KIF13B: variants seen among roughly 807,000 people sequenced by gnomAD.
The protein encoded by KIF13B is kinesin family member 13B.
Under a neutral mutation model 222.0 loss-of-function variants are expected in KIF13B, and 127 were observed. That is an observed-to-expected ratio of 0.57 (90% CI 0.50 to 0.66). The LOEUF (loss-of-function observed/expected upper bound fraction) is 0.66. Ranked by LOEUF, KIF13B falls within the 30% of genes least tolerant of loss-of-function variation. The pLI is 0.00. For synonymous variants in KIF13B, 976 were observed against 919.0 expected (o/e 1.06, Z -1.12); for missense variants, 2,173 against 2,379.0 (o/e 0.91, Z 1.80).
chr8:29,126,125 C>G (rs751717808), intron 26 of KIF13B, among the ~76,000 whole-genome samples: 1 of 150,994 alleles, frequency 6.6e-6, no homozygotes, highest in Non-Finnish European at 1.5e-5. Context: ...ATGCAAAACA[C>G]CTAGTGTTGA....
Position 29,203,592 on chromosome 8 carries a change from G to A in KIF13B, c.150-7393C>T, listed in dbSNP as rs563825979. ...GGAGATATTTACAACTGAAACACAC[G>A]ACATTAAGACAGAAAATGCGCCAGG... is the stretch of plus-strand genomic sequence containing the variant. On this transcript the variant is annotated intron_variant, in intron 2 of 39. Transcript: ENST00000524189. Among the ~76,000 whole-genome samples the A allele has an allele frequency of 5.9e-5, 9 of 152,136 alleles. No individual in the cohort carries two copies. In the East Asian group the frequency reaches 1.4e-3, roughly 23 times the overall value.
At chr8:29,136,305 G>A (rs1307672299) in intron 21 of KIF13B, among the ~76,000 whole-genome samples, 2 of 152,168 alleles carry the variant, frequency 1.3e-5, no homozygotes, top group East Asian at 1.9e-4. Flanking sequence ...TCGGCCAGGC[G>A]TGGTGGCTCA....
chr8:29,230,907 C>T (rs1014711641), intron 2 of KIF13B, among the ~76,000 whole-genome samples: 2 of 152,168 alleles, frequency 1.3e-5, no homozygotes, highest in African/African-American at 4.8e-5. Flanking sequence ...GACAGGGTCT[C>T]ACATTGTCAC....
At chr8:29,132,761 G>A (rs1022951235) in intron 22 of KIF13B, among the ~76,000 whole-genome samples, 1 of 152,166 alleles carries the variant, frequency 6.6e-6, no homozygotes, top group Non-Finnish European at 1.5e-5. Context: ...CTATTTTTAA[G>A]AGCATAATTG....
chr8:29,208,225 CAT>C (rs1273397634), intron 2 of KIF13B, among the ~76,000 whole-genome samples: 2 of 152,178 alleles, frequency 1.3e-5, no homozygotes, highest in African/African-American at 4.8e-5. Context: ...ATCAGTATCA[CAT>C]ATTGACTCAC....
chr8:29,088,901 C>T (rs1173971153), intron 37 of KIF13B, among the ~76,000 whole-genome samples: 2 of 152,228 alleles, frequency 1.3e-5, no homozygotes, highest in Admixed American at 1.3e-4. Flanking sequence ...TCTCACAGAG[C>T]TTTAGTAGAG....
chr8:29,229,682 T>C (rs772185163), intron 2 of KIF13B, among the ~76,000 whole-genome samples: 68 of 152,230 alleles, frequency 4.5e-4, no homozygotes, highest in Non-Finnish European at 8.2e-4. Flanking sequence ...ATGATAATGA[T>C]AGTTCAAGAA....
chr8:29,146,532 G>T lies in KIF13B; in HGVS notation c.2033C>A (p.Thr678Lys), dbSNP rs781525515. 7 of 1,612,210 alleles carry T rather than the reference G, an allele frequency of 4.3e-6. No homozygotes were observed. The highest frequency in any genetic ancestry group is 5.9e-6 in the Non-Finnish European group (7 of 1,179,394). Residue 678 changes from threonine to lysine, a missense_variant, in exon 18 of 40, where the codon ACG becomes AAG. Transcript: ENST00000524189. ...CAGCCTCATCAGGCTGTTATTCAAC[G>T]TTGCTTCTCTAAAAAAAAATAAAGA... The part of the protein sequence containing the change: ...LRQWAEEREA[T>K]LNNSLMRLRE...
At chr8:29,084,130 C>T (rs913757518) in intron 37 of KIF13B, among the ~76,000 whole-genome samples, 4 of 152,144 alleles carry the variant, frequency 2.6e-5, no homozygotes, top group Non-Finnish European at 5.9e-5. Flanking sequence ...GATGGCCAGG[C>T]TGGTCTCAAA....
intron 29 of KIF13B, among the ~76,000 whole-genome samples, chr8:29,121,216 A>G (rs1236598486): frequency 8.8e-6 from 1 of 113,912 alleles, no homozygotes; most frequent in African/African-American, 3.4e-5. Context: ...TTTAAAGTTC[A>G]TATGGAACCA....
At chr8:29,253,022 C>T (rs990331745) in intron 1 of KIF13B, among the ~76,000 whole-genome samples, 1 of 151,994 alleles carries the variant, frequency 6.6e-6, no homozygotes, top group African/African-American at 2.4e-5. Flanking sequence ...ACATGGCTAA[C>T]ACAAGAATGA....
chr8:29,233,466 G>A (rs979697498), intron 2 of KIF13B, among the ~76,000 whole-genome samples: 5 of 152,200 alleles, frequency 3.3e-5, no homozygotes, highest in Admixed American at 2.6e-4. Context: ...ACACATTTAC[G>A]TGACATTGCT....
At chr8:29,208,886 T>C (rs1814079879) in intron 2 of KIF13B, among the ~76,000 whole-genome samples, 1 of 152,174 alleles carries the variant, frequency 6.6e-6, no homozygotes, top group Non-Finnish European at 1.5e-5. Flanking sequence ...CCTCGAAGGT[T>C]TCCTTTTCTC....
chr8:29,175,490 C>CT (rs1812437524), intron 10 of KIF13B, among the ~76,000 whole-genome samples: 1 of 152,234 alleles, frequency 6.6e-6, no homozygotes, highest in Non-Finnish European at 1.5e-5. Context: ...TGGCTTTCTT[C>CT]TTTCTCACTT....
At chr8:29,171,267 G>A (rs932981773) in intron 10 of KIF13B, among the ~76,000 whole-genome samples, 8 of 152,208 alleles carry the variant, frequency 5.3e-5, no homozygotes, top group African/African-American at 9.7e-5. Flanking sequence ...ATGACTCAGC[G>A]AATGCGTAAC....
At chr8:29,117,879 C>A (rs1809675243) in intron 30 of KIF13B, among the ~76,000 whole-genome samples, 1 of 152,190 alleles carries the variant, frequency 6.6e-6, no homozygotes, top group Non-Finnish European at 1.5e-5. Context: ...AAATCCTGGC[C>A]AGGCGCGGTG....
chr8:29,157,780 A>G (rs1811601206), intron 13 of KIF13B, among the ~76,000 whole-genome samples: 1 of 151,564 alleles, frequency 6.6e-6, no homozygotes, highest in South Asian at 2.1e-4. Flanking sequence ...GCAATAAGCC[A>G]TAATCGTACC....
At chr8:29,242,396 A>G (rs1316727816) in intron 2 of KIF13B, among the ~76,000 whole-genome samples, 2 of 152,254 alleles carry the variant, frequency 1.3e-5, no homozygotes, top group African/African-American at 2.4e-5. Context: ...TAAAAGTTTA[A>G]TAAGTTTTAA....
chr8:29,152,644 C>G (rs543227564), intron 14 of KIF13B, among the ~76,000 whole-genome samples: 2 of 152,220 alleles, frequency 1.3e-5, no homozygotes, highest in South Asian at 4.2e-4. Context: ...CAGTCTTGCT[C>G]TCTGTCACCC....
Sources: allele counts gnomAD v4.1 joint callset (sites outside exome capture counted in the v4.1 genomes callset), GRCh38; gene constraint gnomAD v4.1.1; transcripts MANE v1.5; gene names NCBI Gene and HGNC (gene_info 2026-07-23, HGNC 2026-07-21).